The following SMG1 variants were observed in gnomAD, a reference collection of about 807,000 sequenced individuals.
SMG1 encodes SMG1 nonsense mediated mRNA decay associated PI3K related kinase.
SMG1 carries 22 observed loss-of-function variants against 419.9 expected under a neutral mutation model. The observed-to-expected ratio is 0.05, with a 90% CI of 0.04 to 0.07. SMG1 has a LOEUF of 0.07. SMG1 is among the 10% of genes least tolerant of loss of function. The pLI is 1.00. For missense variants in SMG1, 3,185 were observed against 4,342.0 expected (o/e 0.73, Z 7.49); for synonymous variants, 1,538 against 1,553.5 (o/e 0.99, Z 0.23).
intron 56 of SMG1, among the ~76,000 whole-genome samples, chr16:18,818,339 C>T (rs2032205487): frequency 6.6e-6 from 1 of 152,154 alleles, no homozygotes; most frequent in South Asian, 2.1e-4. Flanking sequence ...GAGCCAAGAT[C>T]ACGCCACTGC....
At position 18,857,542 on chromosome 16, in the gene SMG1, A is replaced by G. The variant is rs2034980958; in HGVS notation, c.4234+628T>C. 3 of 152,358 alleles carry G rather than the reference A, an allele frequency of 2.0e-5. No homozygotes were observed. The South Asian group carries it at 6.2e-4, about 32-fold the overall frequency. The allele number at this position is 152,358 out of a possible 1,614,324, so 9.4% of individuals were successfully genotyped here. ...TAATCAAGAAAATGTAAATAAAATTATGAGATAATCACTAATAATCACTAC... is the reference window on the plus strand; with the variant it reads ...TAATCAAGAAAATGTAAATAAAATTGTGAGATAATCACTAATAATCACTAC... On this transcript the variant is annotated intron_variant, in intron 29 of 62. Transcript: ENST00000446231.
intron 3 of SMG1, among the ~76,000 whole-genome samples, chr16:18,894,689 A>G (rs2037037953): frequency 6.6e-6 from 1 of 151,788 alleles, no homozygotes; most frequent in Non-Finnish European, 1.5e-5. Context: ...TAAAAAAAAA[A>G]AAAAAAAAGT....
intron 57 of SMG1, 51 bp from the exon 58 acceptor site, chr16:18,816,580 GTTCT>G: frequency 1.4e-6 from 2 of 1,462,582 alleles, no homozygotes; most frequent in South Asian, 1.2e-5. Context: ...GAAATAATGA[GTTCT>G]TTCTTCATTA....
At chr16:18,922,297 A>G in intron 1 of SMG1, among the ~76,000 whole-genome samples, 1 of 152,212 alleles carries the variant, frequency 6.6e-6, no homozygotes, top group Non-Finnish European at 1.5e-5. Flanking sequence ...GAAGAGGAGT[A>G]AAGAGGGCAA....
chr16:18,870,575 C>T (rs1272632812), intron 18 of SMG1, 35 bp downstream of exon 18: 1 of 1,354,054 alleles, frequency 7.4e-7, no homozygotes, highest in South Asian at 1.2e-5. Flanking sequence ...CTGTAAATAT[C>T]ACAGAATGTC....
intron 1 of SMG1, among the ~76,000 whole-genome samples, chr16:18,908,002 C>G (rs2037639131): frequency 6.6e-6 from 1 of 151,932 alleles, no homozygotes; most frequent in Non-Finnish European, 1.5e-5. Flanking sequence ...ACTCTATGAC[C>G]TCTTTAATAG....
intron 29 of SMG1, among the ~76,000 whole-genome samples, chr16:18,855,907 G>T (rs907074804): frequency 1.3e-5 from 2 of 152,130 alleles, no homozygotes; most frequent in African/African-American, 2.4e-5. Flanking sequence ...CCAAACTCCT[G>T]AATTCAGCTT....
chr16:18,873,572 T>C (rs1250873488), intron 13 of SMG1, among the ~76,000 whole-genome samples: 19 of 152,184 alleles, frequency 1.2e-4, no homozygotes, highest in Non-Finnish European at 2.6e-4. Flanking sequence ...TGTACACTTC[T>C]GTGAATATAC....
chr16:18,906,449 A>C (rs532928706), intron 1 of SMG1, among the ~76,000 whole-genome samples: 13 of 152,098 alleles, frequency 8.5e-5, no homozygotes, highest in South Asian at 6.2e-4. Flanking sequence ...CACCACTGCA[A>C]TCCAGAGCCT....
intron 47 of SMG1, 28 bp downstream of exon 47, chr16:18,836,330 CAT>C (rs772264088): frequency 1.9e-6 from 3 of 1,605,494 alleles, no homozygotes; most frequent in Non-Finnish European, 2.6e-6. Context: ...CATAGTTTCA[CAT>C]GTGAATCTAA....
intron 4 of SMG1, among the ~76,000 whole-genome samples, chr16:18,891,437 C>CT (rs71141088): frequency 0.31 from 43,603 of 142,432 alleles, 7,085 homozygotes; most frequent in Non-Finnish European, 0.38. Flanking sequence ...TTATCAAGTT[C>CT]TTTTTTTTTT....
chr16:18,886,875 A>T (rs1485093868), intron 6 of SMG1, among the ~76,000 whole-genome samples: 1 of 152,230 alleles, frequency 6.6e-6, no homozygotes, highest in Non-Finnish European at 1.5e-5. Context: ...CAGACTATCA[A>T]TGCTAAAAAT....
chr16:18,898,672 G>A (rs188797545), intron 1 of SMG1, among the ~76,000 whole-genome samples: 1 of 152,232 alleles, frequency 6.6e-6, no homozygotes, highest in Admixed American at 6.5e-5. Context: ...TTAGATGAGC[G>A]AATAAAATAA....
intron 22 of SMG1, among the ~76,000 whole-genome samples, chr16:18,867,559 A>AAATG (rs1207015882): frequency 1.4e-3 from 198 of 146,046 alleles, no homozygotes; most frequent in African/African-American, 4.9e-3. Flanking sequence ...ATAAATAAAT[A>AAATG]AATAAATAAT....
At chr16:18,899,212 G>C (rs922473001) in intron 1 of SMG1, among the ~76,000 whole-genome samples, 5 of 152,112 alleles carry the variant, frequency 3.3e-5, no homozygotes, top group Non-Finnish European at 5.9e-5. Flanking sequence ...GTAATCTGTT[G>C]CTACCAACAA....
Position 18,830,083 on chromosome 16 carries a change from T to C in SMG1, c.8976A>G (p.Arg2992=), listed in dbSNP as rs1434345911. Residue 2992 remains arginine (R), a synonymous_variant, in exon 53 of 63, where the codon CGA becomes CGG. Transcript: ENST00000446231. ...LNKMEIPIAW[R]KIDIIREARS... ...TGGCTTCCCTTATGATGTCAATCTT[T>C]CGCCAAGCTATGGGAATTTCCATCT... The C allele has an allele frequency of 4.4e-6, 7 of 1,604,064 alleles. No individual in the cohort carries two copies. Among genetic ancestry groups the C allele is most frequent in the Non-Finnish European group, 6.0e-6 (7 of 1,175,282 alleles).
At chr16:18,828,207 A>G (rs2032894832) in intron 54 of SMG1, 39 bp from the exon 55 acceptor site, 2 of 1,598,198 alleles carry the variant, frequency 1.3e-6, no homozygotes, top group East Asian at 4.5e-5. Flanking sequence ...ATCAGCAGGA[A>G]AAAAGCGTTT....
chr16:18,809,479 G>T lies in SMG1; in HGVS notation c.*90C>A. The T allele has an allele frequency of 3.1e-6, 3 of 960,748 alleles. No individual in the cohort carries two copies. Among genetic ancestry groups the T allele is most frequent in the South Asian group, 1.4e-5 (1 of 71,962 alleles). The allele number at this position is 960,748 out of a possible 1,614,324, so 59.5% of individuals were successfully genotyped here. On this transcript the variant is annotated 3_prime_UTR_variant, in exon 63 of 63. Transcript: ENST00000446231. ...GTAAGCCCCCAGTTGCATCACCACC[G>T]ACTGTGGTGTGGCTTTGGATGCCTG...
chr16:18,850,598 C>T (rs1163337292), intron 33 of SMG1, 131 bp from the exon 34 acceptor site: 5 of 628,244 alleles, frequency 8.0e-6, no homozygotes, highest in Admixed American at 5.9e-5. Context: ...TAGTGTTATA[C>T]ACAGTAAGTC....
Sources: allele counts gnomAD v4.1 joint callset (sites outside exome capture counted in the v4.1 genomes callset), GRCh38; gene constraint gnomAD v4.1.1; transcripts MANE v1.5; gene names NCBI Gene and HGNC (gene_info 2026-07-23, HGNC 2026-07-21).